CDK14: variants seen among roughly 807,000 people sequenced by gnomAD.
The protein encoded by CDK14 is cyclin dependent kinase 14, also known as cyclin-dependent kinase 14.
A neutral mutation model predicts 60.7 loss-of-function variants in CDK14; 34 were observed. That is an observed-to-expected ratio of 0.56 (90% confidence interval 0.43 to 0.75). CDK14 has a LOEUF of 0.75. CDK14 is among the 30% of genes least tolerant of loss of function. The pLI is 0.00. For missense variants in CDK14, 482 were observed against 564.1 expected (o/e 0.85, Z 1.47); for synonymous variants, 197 against 203.7 (o/e 0.97, Z 0.28).
chr7:91,158,094 T>G (rs1016937336), intron 14 of CDK14, among the ~76,000 whole-genome samples: 1 of 147,736 alleles, frequency 6.8e-6, no homozygotes, highest in Non-Finnish European at 1.5e-5. Flanking sequence ...ATACATTAAA[T>G]ATATATAAAT....
At chr7:91,063,344 CA>C (rs1231900510) in intron 11 of CDK14, among the ~76,000 whole-genome samples, 1 of 152,152 alleles carries the variant, frequency 6.6e-6, no homozygotes, top group African/African-American at 2.4e-5. Flanking sequence ...GTTTTGCCCC[CA>C]AAATGTTAAA....
intron 14 of CDK14, among the ~76,000 whole-genome samples, chr7:91,198,110 A>ATGTGC (rs1388880166): frequency 6.6e-6 from 1 of 152,154 alleles, no homozygotes; most frequent in African/African-American, 2.4e-5. Flanking sequence ...GGTGGAAACG[A>ATGTGC]TGTGCTATAG....
At chr7:90,927,127 C>A (rs1478754184) in intron 8 of CDK14, among the ~76,000 whole-genome samples, 2 of 152,100 alleles carry the variant, frequency 1.3e-5, no homozygotes, top group Non-Finnish European at 2.9e-5. Flanking sequence ...GGTTCATAAC[C>A]TAGATGATTG....
chr7:90,878,093 T>TGTGTGTGAGA (rs1237217822), intron 6 of CDK14, among the ~76,000 whole-genome samples: 4 of 149,660 alleles, frequency 2.7e-5, no homozygotes, highest in South Asian at 2.1e-4. Flanking sequence ...TGTGTGTGTG[T>TGTGTGTGAGA]GAGAGAGAGA....
intron 2 of CDK14, chr7:90,608,554 G>T (rs959157389): frequency 1.0e-6 from 1 of 985,096 alleles, no homozygotes; most frequent in Middle Eastern, 5.2e-4. Flanking sequence ...AGAACAAAGT[G>T]TTGGCTCTGC....
chr7:91,111,714 A>G (rs1257857288), intron 12 of CDK14, among the ~76,000 whole-genome samples: 5 of 152,166 alleles, frequency 3.3e-5, no homozygotes, highest in African/African-American at 9.7e-5. Context: ...TGCCTGACGC[A>G]TGTTCAACTA....
At chr7:90,736,112 G>A (rs1001668496) in intron 3 of CDK14, among the ~76,000 whole-genome samples, 2 of 151,328 alleles carry the variant, frequency 1.3e-5, no homozygotes, top group Admixed American at 6.6e-5. Flanking sequence ...TCCTGGGCAA[G>A]GCGATGCCCT....
intron 4 of CDK14, among the ~76,000 whole-genome samples, chr7:90,752,203 C>T (rs764034869): frequency 1.3e-5 from 2 of 152,082 alleles, no homozygotes; most frequent in Non-Finnish European, 2.9e-5. Flanking sequence ...ATATTCCACT[C>T]ATCAACCACA....
Position 90,927,609 on chromosome 7 carries a change from A to T in CDK14, c.826+9885A>T, listed in dbSNP as rs1269296019. ...TACATATATAAATATAAATATATAT[A>T]AAAGGTAAAATATGGGTAGGGTGCC... On this transcript the variant is annotated intron_variant, in intron 8 of 14. Transcript: ENST00000380050. 5.3e-5 allele frequency among the ~76,000 whole-genome samples: 8 copies of T among 152,306 alleles called. No homozygotes were observed. In the East Asian group the frequency reaches 1.5e-3, roughly 29 times the overall value.
intron 2 of CDK14, among the ~76,000 whole-genome samples, chr7:90,661,604 A>G (rs1487541759): frequency 1.3e-5 from 2 of 152,208 alleles, no homozygotes; most frequent in Non-Finnish European, 2.9e-5. Context: ...TCTCAGTGTT[A>G]TCATCAAGAT....
intron 12 of CDK14, among the ~76,000 whole-genome samples, chr7:91,091,561 T>G (rs1182604343): frequency 7.0e-6 from 1 of 143,556 alleles, no homozygotes; most frequent in African/African-American, 2.7e-5. Flanking sequence ...CCCAGCTACT[T>G]GGGAGGCTGA....
intron 11 of CDK14, among the ~76,000 whole-genome samples, chr7:91,061,978 G>T (rs1797808929): frequency 1.3e-5 from 2 of 152,192 alleles, no homozygotes; most frequent in South Asian, 4.1e-4. Context: ...CTTTTGTTTG[G>T]CTATGCCATG....
intron 8 of CDK14, among the ~76,000 whole-genome samples, chr7:90,953,798 T>G (rs1378538760): frequency 1.3e-5 from 2 of 152,176 alleles, no homozygotes; most frequent in African/African-American, 4.8e-5. Context: ...AGAACCTATT[T>G]CAGGACTTGT....
chr7:90,720,253 C>A (rs959707554), intron 2 of CDK14, among the ~76,000 whole-genome samples: 1 of 152,010 alleles, frequency 6.6e-6, no homozygotes, highest in Non-Finnish European at 1.5e-5. Context: ...AGGATTGGTC[C>A]GAGTGGGTGG....
At chr7:91,102,239 C>T (rs1467210233) in intron 12 of CDK14, among the ~76,000 whole-genome samples, 1 of 152,176 alleles carries the variant, frequency 6.6e-6, no homozygotes, top group African/African-American at 2.4e-5. Context: ...CTCTGCATCA[C>T]TCACTCCAGG....
At chr7:91,104,830 G>T (rs369612600) in intron 12 of CDK14, among the ~76,000 whole-genome samples, 1 of 152,138 alleles carries the variant, frequency 6.6e-6, no homozygotes, top group African/African-American at 2.4e-5. Context: ...TGACCTAACA[G>T]AATTAGTTTT....
chr7:90,629,134 A>G (rs867949795), intron 2 of CDK14, among the ~76,000 whole-genome samples: 8 of 152,134 alleles, frequency 5.3e-5, no homozygotes, highest in South Asian at 2.1e-4. Context: ...TACTACGGCA[A>G]TTACAAATGA....
chr7:90,963,693 C>CTTT, intron 9 of CDK14, among the ~76,000 whole-genome samples: 1 of 116,462 alleles, frequency 8.6e-6, no homozygotes. Context: ...TTTTTTTTTT[C>CTTT]TTTTTTCTTT....
chr7:90,776,118 T>A (rs1805035768), intron 4 of CDK14, among the ~76,000 whole-genome samples: 1 of 152,170 alleles, frequency 6.6e-6, no homozygotes, highest in Non-Finnish European at 1.5e-5. Flanking sequence ...CAACTACTTT[T>A]TACCTCTGTG....
Sources: allele counts gnomAD v4.1 joint callset (sites outside exome capture counted in the v4.1 genomes callset), GRCh38; gene constraint gnomAD v4.1.1; transcripts MANE v1.5; gene names NCBI Gene and HGNC (gene_info 2026-07-23, HGNC 2026-07-21).